The following TARS2 variants were observed in gnomAD, a reference collection of about 807,000 sequenced individuals.
The protein encoded by TARS2 is threonyl-tRNA synthetase 2, mitochondrial.
Under a neutral mutation model 94.4 loss-of-function variants are expected in TARS2, and 61 were observed. The observed-to-expected ratio is 0.65, with a 90% confidence interval of 0.53 to 0.80. TARS2 has a LOEUF of 0.80. Ranked by LOEUF, TARS2 falls within the 30% of genes least tolerant of loss-of-function variation. TARS2 has a pLI of 0.00. For missense variants in TARS2, 704 were observed against 902.5 expected (o/e 0.78, Z 2.82); for synonymous variants, 359 against 353.4 (o/e 1.02, Z -0.18).
intron 1 of TARS2, 92 bp downstream of exon 1, chr1:150,487,608 CCT>C: frequency 6.6e-7 from 1 of 1,524,284 alleles, no homozygotes. Context: ...TCACGCCACT[CCT>C]CCTCTCCCTG....
intron 2 of TARS2, 55 bp downstream of exon 2, chr1:150,488,109 C>T: frequency 1.3e-6 from 2 of 1,574,852 alleles, no homozygotes; most frequent in South Asian, 1.2e-5. Flanking sequence ...TTTACTTTCT[C>T]TTCACTTGAG....
In TARS2 at chr1:150,499,275, T is replaced by C. The variant is rs1017813688; in HGVS notation, c.1599T>C (p.Gly533=). Residue 533 remains glycine, a synonymous_variant, in exon 13 of 18, where the codon GGT becomes GGC. Coordinates refer to ENST00000369064, the MANE Select transcript of TARS2 (RefSeq NM_025150.5). ...GEPWDLNSGD[G]AFYGPKIDVH... ...CCTGGGACCTCAACTCTGGAGATGG[T>C]GCCTTCTATGGACCTAAGGTAAGCT... is the stretch of plus-strand genomic sequence containing the variant. 3.7e-6 allele frequency: 6 copies of C among 1,614,182 alleles called. No homozygotes were observed. Among genetic ancestry groups the C allele is most frequent in the Non-Finnish European group, 5.1e-6 (6 of 1,180,032 alleles).
chr1:150,501,463 A>G (rs1669917095), intron 13 of TARS2, among the ~76,000 whole-genome samples: 1 of 107,212 alleles, frequency 9.3e-6, no homozygotes, highest in East Asian at 2.1e-4. Context: ...GACTATAGGC[A>G]GGCACCCATC....
At position 150,492,483 on chromosome 1, in the gene TARS2, G is replaced by T. The variant is rs1169171805; in HGVS notation, c.768G>T (p.Leu256=). 1 of 1,613,654 alleles carries T rather than the reference G, an allele frequency of 6.2e-7. No individual in the cohort carries two copies. Among genetic ancestry groups the T allele is most frequent in the Non-Finnish European group, 8.5e-7 (1 of 1,179,816 alleles). The part of the protein sequence containing the change: ...RHTGQIGGLK[L]LSNSSSLWRS... ...CTGGACAGATTGGAGGACTGAAGCT[G>T]CTATCGGTCAGTTGTGGGACAGAGT... Residue 256 remains leucine (L), a synonymous_variant, in exon 7 of 18, where the codon CTG becomes CTT. Transcript: ENST00000369064.
chr1:150,491,870 C>T, intron 6 of TARS2: 1 of 518,428 alleles, frequency 1.9e-6, no homozygotes, highest in Non-Finnish European at 3.4e-6. Context: ...TCTCGGCTCA[C>T]TGCAACCTCC....
At chr1:150,492,369 G>A (rs1669435327) in intron 6 of TARS2, 42 bp from the exon 7 acceptor site, 1 of 1,596,666 alleles carries the variant, frequency 6.3e-7, no homozygotes, top group Non-Finnish European at 8.6e-7. Context: ...GCTAGAAGCT[G>A]AAGATTCTGA....
Position 150,496,553 on chromosome 1 carries a change from C to A in TARS2, c.846C>A (p.Pro282=), listed in dbSNP as rs1402118153. The change falls in exon 8 of 18, where the codon CCC becomes CCA. Residue 282 remains proline (P), a synonymous_variant. Coordinates refer to ENST00000369064, the MANE Select transcript of TARS2 (RefSeq NM_025150.5). ...AGAGAGTGTCAGGGATTTCCTTCCC[C>A]ACAACAGAATTGCTGAGGGTCTGGG... ...TLQRVSGISF[P]TTELLRVWEA... is the part of the protein sequence containing the mutation. 3.7e-6 allele frequency: 6 copies of A among 1,614,064 alleles called. No homozygotes were observed. The East Asian group carries it at 1.3e-4, about 36-fold the overall frequency.
Position 150,497,699 on chromosome 1 carries a change from A to G in TARS2, c.1190A>G (p.His397Arg), listed in dbSNP as rs966641363. 2.5e-6 allele frequency: 4 copies of G among 1,614,046 alleles called. No homozygotes were observed. The African/African-American group carries it at 4.0e-5, about 16-fold the overall frequency. The change falls in exon 10 of 18, where the codon CAT becomes CGT. Residue 397 changes from histidine (H) to arginine (R), a missense_variant. Transcript: ENST00000369064. Reference sequence around the variant, plus strand: ...TCCCAGAGTGACGATTCTACCAGGCATATCACAGATACACTCGCCCTCAAG... The same window carrying G: ...TCCCAGAGTGACGATTCTACCAGGCGTATCACAGATACACTCGCCCTCAAG... Reference protein sequence around the residue: ...PSSQSDDSTRHITDTLALKPM... With the variant: ...PSSQSDDSTRRITDTLALKPM...
At position 150,505,605 on chromosome 1, in the gene TARS2, G is replaced by A; in HGVS notation, c.1908G>A (p.Leu636=). The A allele has an allele frequency of 1.2e-6, 2 of 1,614,122 alleles. No homozygotes were observed. Among genetic ancestry groups the A allele is most frequent in the South Asian group, 1.1e-5 (1 of 91,076 alleles). ...EEYAKEAQQS[L]RAAGLVSDLD... is the part of the protein sequence containing the mutation. ...CTCTGTTGCAGGCACAGCAGAGCCT[G>A]CGGGCTGCAGGACTGGTCAGTGACC... Residue 636 remains leucine, a synonymous_variant, in exon 17 of 18, where the codon CTG becomes CTA. Coordinates refer to ENST00000369064, the MANE Select transcript of TARS2 (RefSeq NM_025150.5).
chr1:150,500,124 G>A (rs1246095668), intron 13 of TARS2, among the ~76,000 whole-genome samples: 1 of 151,904 alleles, frequency 6.6e-6, no homozygotes, highest in Non-Finnish European at 1.5e-5. Flanking sequence ...GCAGTGAGCC[G>A]AGATTGCGCC....
At chr1:150,501,790 T>G (rs1669933354) in intron 13 of TARS2, among the ~76,000 whole-genome samples, 1 of 152,224 alleles carries the variant, frequency 6.6e-6, no homozygotes, top group Admixed American at 6.6e-5. Flanking sequence ...ACACTCCAGC[T>G]TGGGTAACAG....
In TARS2 at chr1:150,504,426, A is replaced by G. The variant is rs772663447; in HGVS notation, c.1709A>G (p.Gln570Arg). 3 of 1,614,126 alleles carry G rather than the reference A, an allele frequency of 1.9e-6. No individual in the cohort carries two copies. Among genetic ancestry groups the G allele is most frequent in the Non-Finnish European group, 8.5e-7 (1 of 1,180,016 alleles). ...DFQLPLRFDL[Q>R]YKGQAGALER... is the part of the protein sequence containing the mutation. Reference sequence around the variant, plus strand: ...CAACTGCCCCTGAGATTTGACCTCCAGTATAAGGGGTATAAAACCTTGCCC... The same window carrying G: ...CAACTGCCCCTGAGATTTGACCTCCGGTATAAGGGGTATAAAACCTTGCCC... The change falls in exon 14 of 18, where the codon CAG becomes CGG. Residue 570 changes from glutamine to arginine, a missense_variant. By Grantham distance (43) the Gln-to-Arg change is conservative. Transcript: ENST00000369064.
At chr1:150,489,787 C>T (rs1457187350) in intron 3 of TARS2, among the ~76,000 whole-genome samples, 1 of 152,078 alleles carries the variant, frequency 6.6e-6, no homozygotes. Context: ...ACTAAAAATA[C>T]AAAAATTAGC....
chr1:150,487,924 G>A lies in TARS2; in HGVS notation c.133G>A (p.Ala45Thr). ...TGGCCTTTTTGAGGAGCTGTGGGCTGCTCAGGTAAAGAGATTAGCAAGCAT... is the reference window on the plus strand; with the variant it reads ...TGGCCTTTTTGAGGAGCTGTGGGCTACTCAGGTAAAGAGATTAGCAAGCAT... ...RLGLFEELWA[A>T]QVKRLASMAQ... Residue 45 changes from alanine to threonine, a missense_variant, in exon 2 of 18, where the codon GCT becomes ACT. Coordinates refer to ENST00000369064, the MANE Select transcript of TARS2 (RefSeq NM_025150.5). 3 of 1,613,938 alleles carry A rather than the reference G, an allele frequency of 1.9e-6. No homozygotes were observed. The highest frequency in any genetic ancestry group is 1.1e-5 in the South Asian group (1 of 91,066).
chr1:150,500,577 C>T (rs1669867931), intron 13 of TARS2, among the ~76,000 whole-genome samples: 1 of 150,866 alleles, frequency 6.6e-6, no homozygotes, highest in African/African-American at 2.4e-5. Context: ...CAGAGCAAGA[C>T]TCCGTCCCAA....
chr1:150,493,036 C>T (rs1351378080), intron 7 of TARS2, among the ~76,000 whole-genome samples: 1 of 151,870 alleles, frequency 6.6e-6, no homozygotes, highest in East Asian at 2.0e-4. Context: ...GTGTGCACCA[C>T]CATGCCCAGC....
At chr1:150,490,112 G>GTATT (rs1669315849) in intron 3 of TARS2, among the ~76,000 whole-genome samples, 2 of 94,384 alleles carry the variant, frequency 2.1e-5, no homozygotes, top group Admixed American at 1.0e-4. Flanking sequence ...TTTCTATTCA[G>GTATT]TCTTTTTTTT....
At chr1:150,489,373 C>T (rs587635347) in intron 3 of TARS2, 58 of 400,240 alleles carry the variant, frequency 1.4e-4, no homozygotes, top group African/African-American at 6.8e-4. Flanking sequence ...CTCTTGAGCA[C>T]GTACATTATA....
chr1:150,504,577 A>G (rs918830316), intron 14 of TARS2, 55 bp from the exon 15 acceptor site: 1 of 1,593,256 alleles, frequency 6.3e-7, no homozygotes, highest in Non-Finnish European at 8.6e-7. Context: ...GATCTTGGGT[A>G]CACAATTCGT....
Sources: gnomAD v4.1 joint callset for allele counts (sites outside exome capture counted in the v4.1 genomes callset) on GRCh38, gnomAD v4.1.1 for gene constraint, MANE v1.5 for transcripts, NCBI Gene and HGNC (gene_info 2026-07-23, HGNC 2026-07-21) for gene names.